Variants in ABCA13 observed in about 807,000 individuals in gnomAD.
ABCA13 encodes the protein ATP binding cassette subfamily A member 13, also known as ATP-binding cassette sub-family A member 13.
Under a neutral mutation model 478.7 loss-of-function variants are expected in ABCA13, and 476 were observed. The observed-to-expected ratio is 0.99, with a 90% CI of 0.92 to 1.07. The LOEUF is 1.07. Ranked by LOEUF, ABCA13 falls within the 50% of genes least tolerant of loss-of-function variation. The probability of loss-of-function intolerance (pLI) is 0.00; values close to 1 mark genes in which losing one functional copy is unlikely to be tolerated. For missense variants in ABCA13, 6,060 were observed against 5,910.6 expected, an observed-to-expected ratio of 1.03 and a Z score of -0.83; for synonymous variants, 2,252 against 2,158.9, an observed-to-expected ratio of 1.04 and a Z score of -1.20.
intron 38 of ABCA13, among the ~76,000 whole-genome samples, chr7:48,399,387 C>T (rs903179053): frequency 1.5e-4 from 23 of 152,104 alleles, no homozygotes; most frequent in Admixed American, 1.5e-3. Flanking sequence ...GGGGTTGTCT[C>T]TCCTGAGAGC....
intron 58 of ABCA13, among the ~76,000 whole-genome samples, chr7:48,598,149 C>G (rs1226297104): frequency 6.6e-6 from 1 of 152,150 alleles, no homozygotes; most frequent in Non-Finnish European, 1.5e-5. Context: ...TTTACTGTCT[C>G]CATAGTTTTA....
chr7:48,313,082 G>C lies in ABCA13; in HGVS notation c.9532G>C (p.Glu3178Gln). 6.3e-7 allele frequency: 1 copy of C among 1,596,224 alleles called. No homozygotes were observed. The highest frequency in any genetic ancestry group is 8.5e-7 in the Non-Finnish European group (1 of 1,171,608). ...AFIYKTLMPS[E>Q]ANGLLNSLLD... Reference sequence around the variant, plus strand: ...TGTCCTTTAGACTCTGATGCCTTCTGAAGCAAATGGCTTGCTCAACTCCTT... The same window carrying C: ...TGTCCTTTAGACTCTGATGCCTTCTCAAGCAAATGGCTTGCTCAACTCCTT... The change falls in exon 25 of 62, where the codon GAA (glutamate) becomes CAA (glutamine). Residue 3178 changes from glutamate (E) to glutamine (Q), a missense_variant. Coordinates refer to ENST00000435803, the MANE Select transcript of ABCA13 (RefSeq NM_152701.5).
At chr7:48,295,963 A>G (rs1799305162) in intron 21 of ABCA13, 100 bp downstream of exon 21, 2 of 1,374,576 alleles carry the variant, frequency 1.5e-6, no homozygotes, top group Admixed American at 2.4e-5. Context: ...TGGTCTGTAT[A>G]ATATACTCTT....
chr7:48,325,188 A>G (rs1412586852), intron 27 of ABCA13, among the ~76,000 whole-genome samples: 1 of 152,222 alleles, frequency 6.6e-6, no homozygotes, highest in Non-Finnish European at 1.5e-5. Context: ...AGCTGGTGGT[A>G]GGAAAGCTGA....
chr7:48,201,383 T>C (rs1798689261), intron 3 of ABCA13, among the ~76,000 whole-genome samples: 1 of 152,182 alleles, frequency 6.6e-6, no homozygotes, highest in Middle Eastern at 3.2e-3. Flanking sequence ...CTCTCGGGCA[T>C]AAAGACAGGA....
intron 48 of ABCA13, among the ~76,000 whole-genome samples, chr7:48,505,994 C>G (rs933467974): frequency 6.6e-6 from 1 of 152,166 alleles, no homozygotes; most frequent in African/African-American, 2.4e-5. Flanking sequence ...CATATTGTTA[C>G]TTAGCCTGAG....
Position 48,274,134 on chromosome 7 carries a change from T to A in ABCA13, c.4468T>A (p.Leu1490Ile). 3.1e-6 allele frequency: 5 copies of A among 1,607,466 alleles called. No homozygotes were observed. Among genetic ancestry groups the A allele is most frequent in the Non-Finnish European group, 4.3e-6 (5 of 1,176,460 alleles). Residue 1490 changes from leucine (L) to isoleucine (I), a missense_variant, in exon 17 of 62, where the codon TTA (leucine) becomes ATA (isoleucine). Physicochemically the swap from Leu to Ile is conservative, Grantham distance 5. Coordinates refer to ENST00000435803, the MANE Select transcript of ABCA13 (RefSeq NM_152701.5). ...GAAGAAACCTAAATTTGAGATTTTA[T>A]TAGCTCTTTTAAATGATTCCACAAA... ...KEKKPKFEIL[L>I]ALLNDSTKQV...
chr7:48,599,298 A>G (rs1790623449), intron 58 of ABCA13, among the ~76,000 whole-genome samples: 1 of 151,858 alleles, frequency 6.6e-6, no homozygotes. Flanking sequence ...TTGTCATTAG[A>G]TAAAATAAGT....
chr7:48,269,158 T>C, intron 16 of ABCA13, 64 bp downstream of exon 16: 1 of 904,052 alleles, frequency 1.1e-6, no homozygotes, highest in Non-Finnish European at 1.8e-6. Flanking sequence ...AATCAAAACC[T>C]AATTATAGGA....
chr7:48,208,905 T>A (rs1230155345), intron 3 of ABCA13, among the ~76,000 whole-genome samples: 1 of 152,176 alleles, frequency 6.6e-6, no homozygotes, highest in African/African-American at 2.4e-5. Context: ...GGTCTTCAGT[T>A]TTCCCCTGTT....
At chr7:48,262,097 G>GAAACAAACA (rs1435461599) in intron 15 of ABCA13, among the ~76,000 whole-genome samples, 2 of 151,844 alleles carry the variant, frequency 1.3e-5, no homozygotes, top group Non-Finnish European at 2.9e-5. Flanking sequence ...CAGCATTATG[G>GAAACAAACA]AAACAAACAA....
Position 48,227,148 on chromosome 7 carries a change from G to A in ABCA13, c.469-114G>A, listed in dbSNP as rs1788331786. 5.1e-6 allele frequency: 5 copies of A among 989,298 alleles called. No individual in the cohort carries two copies. In the East Asian group the frequency reaches 7.2e-5, roughly 14 times the overall value. The allele number at this position is 989,298 out of a possible 1,614,324, so 61.3% of individuals were successfully genotyped here. ...CAATGTAGTGATATATTAAGTGTGA[G>A]TTTCTACTAGGAGAATGTCTACAAT... On this transcript the variant is annotated intron_variant, in intron 5 of 61. Coordinates refer to ENST00000435803, the MANE Select transcript of ABCA13 (RefSeq NM_152701.5).
chr7:48,225,246 T>C (rs1176245781), intron 5 of ABCA13, among the ~76,000 whole-genome samples: 4 of 135,180 alleles, frequency 3.0e-5, no homozygotes. Flanking sequence ...CCCTTCCATC[T>C]TTCCTCTCTC....
chr7:48,175,279 G>T (rs975610417), intron 1 of ABCA13, among the ~76,000 whole-genome samples: 35 of 151,770 alleles, frequency 2.3e-4, no homozygotes, highest in African/African-American at 8.5e-4. Context: ...ATATTCATAG[G>T]GTACATAGTG....
chr7:48,187,823 G>T (rs967206787), intron 1 of ABCA13, among the ~76,000 whole-genome samples: 6 of 151,614 alleles, frequency 4.0e-5, no homozygotes, highest in African/African-American at 1.5e-4. Flanking sequence ...TTCTTAATGG[G>T]GCACTTGTAA....
At chr7:48,267,573 A>G (rs1436025738) in intron 15 of ABCA13, among the ~76,000 whole-genome samples, 5 of 152,080 alleles carry the variant, frequency 3.3e-5, no homozygotes, top group African/African-American at 1.2e-4. Context: ...CAATCTTACA[A>G]ATTTTGCCTT....
intron 8 of ABCA13, 120 bp downstream of exon 8, chr7:48,234,271 G>GGTTTTGACCGAACTC: frequency 7.1e-7 from 1 of 1,404,522 alleles, no homozygotes; most frequent in Non-Finnish European, 1.0e-6. Flanking sequence ...GGAGAGTTCG[G>GGTTTTGACCGAACTC]TCAAAACCCG....
chr7:48,534,248 A>C (rs1393316012), intron 55 of ABCA13, among the ~76,000 whole-genome samples: 2 of 152,162 alleles, frequency 1.3e-5, no homozygotes, highest in African/African-American at 4.8e-5. Flanking sequence ...GATTTGCTGG[A>C]TACAAAATTC....
chr7:48,316,680 A>G (rs899708884), intron 26 of ABCA13, among the ~76,000 whole-genome samples: 3 of 152,230 alleles, frequency 2.0e-5, no homozygotes, highest in South Asian at 2.1e-4. Context: ...TACAAGAAGC[A>G]TGGCACCAGC....
Sources: gnomAD v4.1 joint callset for allele counts (sites outside exome capture counted in the v4.1 genomes callset) on GRCh38, gnomAD v4.1.1 for gene constraint, MANE v1.5 for transcripts, NCBI Gene and HGNC (gene_info 2026-07-23, HGNC 2026-07-21) for gene names.